The following FANCI variants were observed in gnomAD, a reference collection of about 807,000 sequenced individuals.
FANCI encodes Fanconi anemia group I protein.
A neutral mutation model predicts 176.1 loss-of-function variants in FANCI; 156 were observed. The observed-to-expected ratio is 0.89, with a 90% CI of 0.78 to 1.01. The LOEUF (loss-of-function observed/expected upper bound fraction) is 1.01, where lower values mean the gene tolerates loss of function less well. Among genes scored for constraint, FANCI ranks in the 50% least tolerant of loss-of-function variants. FANCI has a pLI of 0.00. For missense variants in FANCI, 1,678 were observed against 1,534.1 expected (o/e 1.09, Z -1.57); for synonymous variants, 613 against 541.7 (o/e 1.13, Z -1.83).
In FANCI at chr15:89,293,915, G is replaced by C. The variant is rs2054159894; in HGVS notation, c.2374G>C (p.Ala792Pro). 6.2e-7 allele frequency: 1 copy of C among 1,614,084 alleles called. No homozygotes were observed. The highest frequency in any genetic ancestry group is 1.3e-5 in the African/African-American group (1 of 75,006). The change falls in exon 23 of 38, where the codon GCC (alanine) becomes CCC (proline). Residue 792 changes from alanine (A) to proline (P), a missense_variant. Physicochemically the swap from Ala to Pro is conservative, Grantham distance 27 (BLOSUM62 -1). Transcript: ENST00000310775. ...CATTCTTAATGAAAAAGCGGGTAAA[G>C]CCAAAACTAAAATGGCCAACAAGAC... Reference protein sequence around the residue: ...SDILNEKAGKAKTKMANKTSD... With the variant: ...SDILNEKAGKPKTKMANKTSD...
Position 89,304,926 on chromosome 15 carries a change from G to A in FANCI, c.3059-189G>A, listed in dbSNP as rs544423844. Reference sequence around the variant, plus strand: ...CAAGTAGCTGGGATTACAGGCATGCGCCACCATGCCCGGCTAATTTTATAT... The same window carrying A: ...CAAGTAGCTGGGATTACAGGCATGCACCACCATGCCCGGCTAATTTTATAT... On this transcript the variant is annotated intron_variant, in intron 28 of 37. Coordinates refer to ENST00000310775, the MANE Select transcript of FANCI (RefSeq NM_001113378.2). Among the ~76,000 whole-genome samples the A allele has an allele frequency of 4.6e-5, 7 of 152,178 alleles. 1 individual carries two copies. Among genetic ancestry groups the A allele is most frequent in the East Asian group, 3.9e-4 (2 of 5,168 alleles).
rs1403464197 is a variant in FANCI at position 89,264,519 on chromosome 15, C to G, written c.670-3C>G. 1.2e-6 allele frequency: 2 copies of G among 1,613,126 alleles called. No homozygotes were observed. The highest frequency in any genetic ancestry group is 1.3e-5 in the African/African-American group (1 of 74,874). ...GACCTTACCAATTTTGTATTGTTTT[C>G]AGGGAAGCAGAAAGAGTGTTTTGGA... On this transcript the variant is annotated splice_region_variant and splice_polypyrimidine_tract_variant and intron_variant, in intron 8 of 37. Coordinates refer to ENST00000310775, the MANE Select transcript of FANCI (RefSeq NM_001113378.2).
Position 89,273,379 on chromosome 15 carries a change from A to G in FANCI, c.885A>G (p.Val295=), listed in dbSNP as rs1159439786. 1 of 1,562,680 alleles carries G rather than the reference A, an allele frequency of 6.4e-7. No individual in the cohort carries two copies. The highest frequency in any genetic ancestry group is 8.8e-7 in the Non-Finnish European group (1 of 1,135,046). ...TCCTTTTGGTTGCTCTCTTCTAGGTAGGACAGCAAGGAGATTCCAATAATA... is the reference window on the plus strand; with the variant it reads ...TCCTTTTGGTTGCTCTCTTCTAGGTGGGACAGCAAGGAGATTCCAATAATA... ...LGRELVKHLK[V]GQQGDSNNNL... Residue 295 remains valine (V), a splice_region_variant and synonymous_variant, in exon 11 of 38, where the codon GTA becomes GTG. Transcript: ENST00000310775.
chr15:89,316,591 C>T lies in FANCI; in HGVS notation c.*132C>T. The T allele has an allele frequency of 2.7e-6, 3 of 1,109,856 alleles. No homozygotes were observed. In the South Asian group the frequency reaches 3.9e-5, roughly 15 times the overall value. The allele number at this position is 1,109,856 out of a possible 1,614,324, so 68.8% of individuals were successfully genotyped here. A position where few individuals can be genotyped will look rare whatever the true frequency, so the allele number is the denominator to read the frequency against. On this transcript the variant is annotated 3_prime_UTR_variant, in exon 38 of 38. Coordinates refer to ENST00000310775, the MANE Select transcript of FANCI (RefSeq NM_001113378.2). The stretch of plus-strand genomic sequence containing the variant: ...TCTGAACCCACTGAATTCAACTGCA[C>T]CTTCAGTTAGAAGGAATCTTCTTGG...
At chr15:89,291,577 TG>T (rs1430314251) in intron 19 of FANCI, 35 bp from the exon 20 acceptor site, 1 of 1,548,106 alleles carries the variant, frequency 6.5e-7, no homozygotes, top group Admixed American at 1.7e-5. Context: ...AAAGCATTTA[TG>T]AGCCAAGATG....
chr15:89,253,498 G>T (rs2052352143), intron 2 of FANCI, among the ~76,000 whole-genome samples: 1 of 151,340 alleles, frequency 6.6e-6, no homozygotes, highest in African/African-American at 2.5e-5. Flanking sequence ...GTGAAAGTGA[G>T]ACTCTGTCTC....
chr15:89,266,328 A>ATTTTTT (rs549962840), intron 9 of FANCI, among the ~76,000 whole-genome samples: 1 of 130,070 alleles, frequency 7.7e-6, no homozygotes, highest in South Asian at 2.5e-4. Context: ...TGCCTGGCTA[A>ATTTTTT]TTTTTTTTTT....
intron 35 of FANCI, among the ~76,000 whole-genome samples, chr15:89,313,957 G>A (rs1340114469): frequency 1.5e-5 from 2 of 130,572 alleles, no homozygotes; most frequent in Non-Finnish European, 3.2e-5. Flanking sequence ...TTCACGTTAG[G>A]GGGAAAGATA....
rs1429500240 is a variant in FANCI, at chr15:89,305,195, C to T, written c.3139C>T (p.Arg1047Cys). 1.2e-5 allele frequency: 19 copies of T among 1,614,086 alleles called. No homozygotes were observed. The highest frequency in any genetic ancestry group is 2.2e-5 in the East Asian group (1 of 44,900). Residue 1047 changes from arginine (R) to cysteine (C), a missense_variant, in exon 29 of 38, where the codon CGT (arginine) becomes TGT (cysteine). Around this residue, in one of 3 missense-constraint regions of FANCI, gnomAD observed 1,204 missense variants for 1,077.4 expected, o/e 1.12. Transcript: ENST00000310775. ...GTATAAGAGTCCTGTCATTCTGCTG[C>T]GTGACTTGTCCCAGGATATCCACGG... ...VSYKSPVILL[R>C]DLSQDIHGHL...
At chr15:89,267,296 G>A (rs1382901149) in intron 9 of FANCI, among the ~76,000 whole-genome samples, 3 of 151,176 alleles carry the variant, frequency 2.0e-5, no homozygotes, top group Non-Finnish European at 2.9e-5. Context: ...TTCCATCCTG[G>A]GCAATGGGAG....
chr15:89,301,399 T>A lies in FANCI; in HGVS notation c.2963T>A (p.Val988Asp). The A allele has an allele frequency of 1.9e-6, 3 of 1,613,848 alleles. No individual in the cohort carries two copies. The highest frequency in any genetic ancestry group is 2.5e-6 in the Non-Finnish European group (3 of 1,180,002). ...AAAGAAGCCCTCCTGCTAGTCACGG[T>A]TCTTACCAGTTTGTCCAAGTTACTG... ...NSKEALLLVTVLTSLSKLLEP... is the reference protein window; with the variant it reads ...NSKEALLLVTDLTSLSKLLEP... Residue 988 changes from valine to aspartate, a missense_variant, in exon 27 of 38, where the codon GTT becomes GAT. Transcript: ENST00000310775.
intron 9 of FANCI, among the ~76,000 whole-genome samples, chr15:89,265,783 A>C (rs1040982236): frequency 3.3e-5 from 5 of 151,914 alleles, no homozygotes; most frequent in Non-Finnish European, 7.4e-5. Flanking sequence ...CGGCCTCCCA[A>C]AGTGCTGGGA....
intron 2 of FANCI, among the ~76,000 whole-genome samples, chr15:89,251,682 G>T (rs2052258062): frequency 6.6e-6 from 1 of 152,218 alleles, no homozygotes; most frequent in African/African-American, 2.4e-5. Flanking sequence ...TTAATAGCAG[G>T]AATACAAGGT....
rs759918456 is a variant in FANCI at position 89,314,648 on chromosome 15, C to G, written c.3757C>G (p.Leu1253Val). ...TCGGGAAACCAAGCCAATCCCTAAC[C>G]TCATCTTTGCCATAGAACAGTATGA... ...VLRETKPIPNLIFAIEQYEKF... is the reference protein window; with the variant it reads ...VLRETKPIPNVIFAIEQYEKF... The change falls in exon 36 of 38, where the codon CTC (leucine) becomes GTC (valine). Residue 1253 changes from leucine (L) to valine (V), a missense_variant. Leu to Val is a conservative substitution (Grantham distance 32). Transcript: ENST00000310775. 2 of 1,614,076 alleles carry G rather than the reference C, an allele frequency of 1.2e-6. No homozygotes were observed. Among genetic ancestry groups the G allele is most frequent in the East Asian group, 2.2e-5 (1 of 44,900 alleles).
intron 36 of FANCI, 46 bp downstream of exon 36, chr15:89,314,753 G>T: frequency 7.1e-7 from 1 of 1,399,404 alleles, no homozygotes; most frequent in South Asian, 1.2e-5. Flanking sequence ...TTACCTTCTT[G>T]ACAGATCTGG....
In FANCI at chr15:89,292,866, T is replaced by C. The variant is rs1417263841; in HGVS notation, c.2169+2T>C. 6.2e-7 allele frequency: 1 copy of C among 1,614,094 alleles called. No homozygotes were observed. On this transcript the variant is annotated splice_donor_variant, in intron 21 of 37. Transcript: ENST00000310775. LOFTEE classifies it high-confidence loss of function. Reference sequence around the variant, plus strand: ...AGTGAGCTGGAAGACTTTGAACTGGTAATTGCTAAGTCCTCAGCTGTATTG... The same window carrying C: ...AGTGAGCTGGAAGACTTTGAACTGGCAATTGCTAAGTCCTCAGCTGTATTG...
intron 3 of FANCI, 91 bp downstream of exon 3, chr15:89,258,867 A>C: frequency 2.1e-6 from 2 of 953,118 alleles, no homozygotes; most frequent in Non-Finnish European, 3.4e-6. Context: ...TTGAAGCCCC[A>C]CTGGAACATT....
chr15:89,301,190 G>C, intron 26 of FANCI, 136 bp from the exon 27 acceptor site: 1 of 749,716 alleles, frequency 1.3e-6, no homozygotes, highest in Non-Finnish European at 2.5e-6. Context: ...TGTATTTTCA[G>C]ATTTTATCCT....
At chr15:89,295,922 C>T (rs192411480) in intron 24 of FANCI, among the ~76,000 whole-genome samples, 20 of 152,134 alleles carry the variant, frequency 1.3e-4, no homozygotes, top group Admixed American at 1.1e-3. Flanking sequence ...TACAGGTGCA[C>T]ACCACCATGC....
Sources: gnomAD v4.1 joint callset for allele counts (sites outside exome capture counted in the v4.1 genomes callset) on GRCh38, gnomAD v4.1.1 for gene constraint, gnomAD v4.1.1 regional missense constraint, MANE v1.5 for transcripts, NCBI Gene and HGNC (gene_info 2026-07-23, HGNC 2026-07-21) for gene names.